The following PHIP variants were observed in gnomAD, a reference collection of about 807,000 sequenced individuals.
PHIP encodes PH-interacting protein.
Under a neutral mutation model 236.8 loss-of-function variants are expected in PHIP, and 54 were observed. That is an observed-to-expected ratio of 0.23 (90% CI 0.18 to 0.29). The LOEUF is 0.29. PHIP is among the 10% of genes least tolerant of loss of function. PHIP has a pLI of 1.00. For synonymous variants in PHIP, 756 were observed against 718.9 expected, an observed-to-expected ratio of 1.05 and a Z score of -0.83; for missense variants, 1,370 against 2,190.8, an observed-to-expected ratio of 0.63 and a Z score of 7.48.
At chr6:78,951,051 T>C (rs1477186721) in intron 35 of PHIP, among the ~76,000 whole-genome samples, 3 of 152,180 alleles carry the variant, frequency 2.0e-5, no homozygotes, top group Admixed American at 6.5e-5. Flanking sequence ...TTTGTTTTAA[T>C]TGAGTTCAAT....
intron 17 of PHIP, among the ~76,000 whole-genome samples, chr6:78,999,422 A>G (rs1394343496): frequency 6.6e-6 from 1 of 152,142 alleles, no homozygotes; most frequent in African/African-American, 2.4e-5. Flanking sequence ...TCACTTCCTT[A>G]AACAACCCAT....
chr6:79,005,240 A>T (rs1770222580), intron 15 of PHIP, among the ~76,000 whole-genome samples: 2 of 152,032 alleles, frequency 1.3e-5, no homozygotes, highest in South Asian at 4.1e-4. Flanking sequence ...AGAAAGTTGG[A>T]GGATGATAAG....
At chr6:78,994,674 T>C (rs1388721690) in intron 19 of PHIP, among the ~76,000 whole-genome samples, 2 of 152,212 alleles carry the variant, frequency 1.3e-5, no homozygotes, top group African/African-American at 4.8e-5. Flanking sequence ...CACAGAAATA[T>C]TTCATGAGAG....
chr6:78,986,410 T>G (rs1479693315), intron 21 of PHIP, among the ~76,000 whole-genome samples: 1 of 152,228 alleles, frequency 6.6e-6, no homozygotes, highest in Admixed American at 6.5e-5. Context: ...TTTATTAAGC[T>G]TTTACTGTAT....
intron 6 of PHIP, among the ~76,000 whole-genome samples, chr6:79,054,884 T>G (rs1005919440): frequency 1.3e-5 from 2 of 151,938 alleles, no homozygotes; most frequent in African/African-American, 4.8e-5. Context: ...TTTGCTGTCT[T>G]TATTCAAACT....
intron 31 of PHIP, among the ~76,000 whole-genome samples, chr6:78,961,226 T>G (rs2127697544): frequency 6.6e-6 from 1 of 152,146 alleles, no homozygotes; most frequent in East Asian, 1.9e-4. Context: ...TTTTCAAATT[T>G]CAGTGTTATA....
At chr6:78,974,628 G>T (rs1353630680) in intron 24 of PHIP, among the ~76,000 whole-genome samples, 1 of 152,076 alleles carries the variant, frequency 6.6e-6, no homozygotes, top group Non-Finnish European at 1.5e-5. Context: ...TAGACCGCCA[G>T]CAAGACTAAT....
At chr6:79,025,803 A>T (rs1771373796) in intron 8 of PHIP, 140 bp downstream of exon 8, 1 of 700,482 alleles carries the variant, frequency 1.4e-6, no homozygotes, top group African/African-American at 1.8e-5. Context: ...TCTTCATTTT[A>T]GTTGGCCTTA....
rs761886475 is a variant in PHIP, at chr6:78,961,770, G to A, written c.3576C>T (p.Ala1192=). 1 of 1,611,084 alleles carries A rather than the reference G, an allele frequency of 6.2e-7. No homozygotes were observed. Among genetic ancestry groups the A allele is most frequent in the Non-Finnish European group, 8.5e-7 (1 of 1,177,748 alleles). ...CCACTACTGTGCAATACATGGGATA[G>A]GCTTGCAGATCCACGGGGGCCACAA... ...SAFVAPVDLQ[A]YPMYCTVVAY... is the part of the protein sequence containing the mutation. Residue 1192 remains alanine (A), a synonymous_variant, in exon 31 of 40, where the codon GCC becomes GCT. Transcript: ENST00000275034.
chr6:79,034,852 T>A (rs1162200652), intron 7 of PHIP, among the ~76,000 whole-genome samples: 5 of 151,870 alleles, frequency 3.3e-5, no homozygotes, highest in African/African-American at 7.3e-5. Flanking sequence ...CCCCAAAGAG[T>A]TAAAGAAATC....
intron 35 of PHIP, among the ~76,000 whole-genome samples, 180 bp from the exon 36 acceptor site, chr6:78,947,955 C>CT (rs1207372772): frequency 1.3e-5 from 2 of 151,856 alleles, no homozygotes; most frequent in Admixed American, 1.3e-4. Context: ...TCATACTCCC[C>CT]CCCCTTATAC....
intron 27 of PHIP, among the ~76,000 whole-genome samples, chr6:78,966,930 T>C (rs1767180166): frequency 6.6e-6 from 1 of 152,352 alleles, no homozygotes; most frequent in East Asian, 1.9e-4. Flanking sequence ...TTGAACTTCA[T>C]TTTCCTTGTC....
At chr6:79,015,332 A>G in intron 14 of PHIP, 116 bp from the exon 15 acceptor site, 1 of 840,754 alleles carries the variant, frequency 1.2e-6, no homozygotes, top group Non-Finnish European at 1.9e-6. Flanking sequence ...GAAGTATTAA[A>G]TTGGCAAAAA....
At position 78,937,907 on chromosome 6, in the gene PHIP, T is replaced by C. The variant is rs1313687441; in HGVS notation, c.*2786A>G. 2 of 151,642 alleles carry C rather than the reference T, an allele frequency of 1.3e-5. No individual in the cohort carries two copies. Among genetic ancestry groups the C allele is most frequent in the African/African-American group, 4.8e-5 (2 of 41,410 alleles). 9.4% of individuals were successfully genotyped at this position (151,642 alleles called of 1,614,324 possible). ...GGGTACTTAGAAATACCTAAATTGGTTTACACTTTCCATGCATGTAAGAGT... is the reference window on the plus strand; with the variant it reads ...GGGTACTTAGAAATACCTAAATTGGCTTACACTTTCCATGCATGTAAGAGT... On this transcript the variant is annotated 3_prime_UTR_variant, in exon 40 of 40. Coordinates refer to ENST00000275034, the MANE Select transcript of PHIP (RefSeq NM_017934.7).
At chr6:79,019,303 ATG>A in intron 9 of PHIP, 144 bp from the exon 10 acceptor site, 1 of 609,940 alleles carries the variant, frequency 1.6e-6, no homozygotes, top group Non-Finnish European at 2.9e-6. Flanking sequence ...AGAAATCATT[ATG>A]TGTCATAAAT....
intron 4 of PHIP, among the ~76,000 whole-genome samples, chr6:79,066,697 T>C (rs889834953): frequency 5.3e-5 from 8 of 152,310 alleles, no homozygotes; most frequent in South Asian, 2.1e-4. Flanking sequence ...TTTAAAAAAT[T>C]CTAAGGGTAA....
chr6:79,054,387 A>G (rs548242869), intron 6 of PHIP, among the ~76,000 whole-genome samples: 1 of 150,946 alleles, frequency 6.6e-6, no homozygotes, highest in African/African-American at 2.4e-5. Context: ...GACTAAAATT[A>G]TGACTAGAAA....
rs748423147 is a variant in PHIP at position 79,025,570 on chromosome 6, G to C, written c.872C>G (p.Ala291Gly). The change falls in exon 9 of 40, where the codon GCA becomes GGA. Residue 291 changes from alanine to glycine, a missense_variant. Ala to Gly is a moderately conservative substitution (Grantham distance 60, BLOSUM62 0). Transcript: ENST00000275034. ...GSKRYLSSTG[A>G]DGTICFWLWD... Reference sequence around the variant, plus strand: ...GAGCCAAAAACAAATAGTGCCATCTGCCCCAGTAGAAGATAGATATCTCTT... The same window carrying C: ...GAGCCAAAAACAAATAGTGCCATCTCCCCCAGTAGAAGATAGATATCTCTT... The C allele has an allele frequency of 6.2e-7, 1 of 1,612,146 alleles. No homozygotes were observed. The highest frequency in any genetic ancestry group is 1.1e-5 in the South Asian group (1 of 91,042).
intron 4 of PHIP, among the ~76,000 whole-genome samples, chr6:79,067,191 T>A (rs565471024): frequency 6.6e-6 from 1 of 152,322 alleles, no homozygotes; most frequent in African/African-American, 2.4e-5. Context: ...CTAGCTCTCA[T>A]CCCTTTTTGA....
Sources: allele counts gnomAD v4.1 joint callset (sites outside exome capture counted in the v4.1 genomes callset), GRCh38; gene constraint gnomAD v4.1.1; transcripts MANE v1.5; gene names NCBI Gene and HGNC (gene_info 2026-07-23, HGNC 2026-07-21).